Variants in POLH observed in about 807,000 individuals in gnomAD.
POLH encodes DNA polymerase eta transcript.
Under a neutral mutation model 73.6 loss-of-function variants are expected in POLH, and 53 were observed. That is an observed-to-expected ratio of 0.72 (90% CI 0.58 to 0.91). The LOEUF is 0.91. POLH is among the 40% of genes least tolerant of loss of function. POLH has a pLI of 0.00. For synonymous variants in POLH, 292 were observed against 308.5 expected (o/e 0.95, Z 0.56); for missense variants, 768 against 865.4 (o/e 0.89, Z 1.41).
intron 4 of POLH, 95 bp from the exon 5 acceptor site, chr6:43,597,601 C>A: frequency 8.3e-7 from 1 of 1,210,700 alleles, no homozygotes; most frequent in Non-Finnish European, 1.2e-6. Flanking sequence ...ACTTATATGT[C>A]TAAATACCTG....
chr6:43,581,674 T>C (rs1264749101), intron 1 of POLH, among the ~76,000 whole-genome samples: 1 of 143,848 alleles, frequency 7.0e-6, no homozygotes, highest in Non-Finnish European at 1.5e-5. Context: ...CTCCCGGCGG[T>C]CGGGCGGCGG....
chr6:43,599,579 C>G (rs1198161168), intron 5 of POLH, among the ~76,000 whole-genome samples: 1 of 151,486 alleles, frequency 6.6e-6, no homozygotes, highest in Non-Finnish European at 1.5e-5. Context: ...TTGATACCTT[C>G]TCCGCCTCCC....
chr6:43,581,569 G>A (rs1294770095), intron 1 of POLH, among the ~76,000 whole-genome samples: 1 of 150,498 alleles, frequency 6.6e-6, no homozygotes, highest in Non-Finnish European at 1.5e-5. Flanking sequence ...CGGGCCCGCG[G>A]GGCCCGTCCG....
intron 1 of POLH, among the ~76,000 whole-genome samples, chr6:43,580,855 C>T (rs1764040744): frequency 1.3e-5 from 2 of 148,472 alleles, no homozygotes; most frequent in Admixed American, 6.6e-5. Flanking sequence ...AGAGGCGCCC[C>T]TCACCTCCCA....
chr6:43,592,882 T>C (rs1385472038), intron 4 of POLH, among the ~76,000 whole-genome samples: 1 of 152,330 alleles, frequency 6.6e-6, no homozygotes, highest in South Asian at 2.1e-4. Context: ...AATTCATTTC[T>C]TTATTATTTT....
chr6:43,586,599 C>T (rs539802601), intron 3 of POLH, among the ~76,000 whole-genome samples: 25 of 152,308 alleles, frequency 1.6e-4, no homozygotes, highest in Admixed American at 8.5e-4. Context: ...GGTATGTATA[C>T]CCTGAGGAAG....
In POLH at chr6:43,610,556, T is replaced by TG. The variant is rs1277794845; in HGVS notation, c.1078dup (p.Asp360GlyfsTer32). 12 of 1,613,768 alleles carry TG rather than the reference T, an allele frequency of 7.4e-6. No individual in the cohort carries two copies. Among genetic ancestry groups the TG allele is most frequent in the African/African-American group, 5.3e-5 (4 of 74,922 alleles). On this transcript the variant is annotated frameshift_variant, in exon 10 of 11. Transcript: ENST00000372236. LOFTEE classifies it high-confidence loss of function. ...GTCTCCATCCTTTCCACCCACAGAA[T>TG]GACAGGGTAGCCACCCAGCTGGTTG...
At chr6:43,584,113 G>A (rs1321952679) in intron 3 of POLH, among the ~76,000 whole-genome samples, 3 of 152,160 alleles carry the variant, frequency 2.0e-5, no homozygotes, top group Admixed American at 6.5e-5. Flanking sequence ...ACTGCACTCC[G>A]GTCTGGGTGA....
intron 10 of POLH, among the ~76,000 whole-genome samples, chr6:43,612,038 A>G (rs771269614): frequency 2.0e-4 from 31 of 152,258 alleles, no homozygotes; most frequent in Non-Finnish European, 3.4e-4. Flanking sequence ...CCTGGGCAAC[A>G]AGAGCGAAAT....
chr6:43,596,255 G>A (rs766973906), intron 4 of POLH, among the ~76,000 whole-genome samples: 6 of 152,168 alleles, frequency 3.9e-5, no homozygotes, highest in Admixed American at 2.0e-4. Flanking sequence ...AGGCCAAAGC[G>A]GGCAGATCAC....
At chr6:43,598,190 G>T in intron 5 of POLH, among the ~76,000 whole-genome samples, 1 of 136,834 alleles carries the variant, frequency 7.3e-6, no homozygotes, top group African/African-American at 3.2e-5. Flanking sequence ...GGGCGACAGT[G>T]AGACTGTCAC....
rs368493196 is a variant in POLH at position 43,615,905 on chromosome 6, T to A, written c.*1348T>A. On this transcript the variant is annotated 3_prime_UTR_variant, in exon 11 of 11. Transcript: ENST00000372236. ...CCAGGATGGTCTCGATTGCTTGACC[T>A]CATGATCCGCCTGCCTCGACCTCCC... Among the ~76,000 whole-genome samples the A allele has an allele frequency of 2.6e-5, 4 of 151,922 alleles. No individual in the cohort carries two copies. Among genetic ancestry groups the A allele is most frequent in the South Asian group, 4.1e-4 (2 of 4,824 alleles).
At chr6:43,605,915 G>T (rs970693157) in intron 9 of POLH, among the ~76,000 whole-genome samples, 1 of 151,804 alleles carries the variant, frequency 6.6e-6, no homozygotes, top group Non-Finnish European at 1.5e-5. Flanking sequence ...GTAGAGACGG[G>T]GTTCTACCAT....
rs142683746 is a variant in POLH at position 43,607,513 on chromosome 6, T to C, written c.1074+2194T>C. Among the ~76,000 whole-genome samples the C allele has an allele frequency of 2.6e-3, 401 of 152,364 alleles. 3 individuals carry two copies. The highest frequency in any genetic ancestry group is 8.4e-3 in the African/African-American group (351 of 41,586). On this transcript the variant is annotated intron_variant, in intron 9 of 10. Coordinates refer to ENST00000372236, the MANE Select transcript of POLH (RefSeq NM_006502.3). Reference sequence around the variant, plus strand: ...TATTTCCACTTTTGGCTATTATGAATAATGTTGATATGAACATTCATCTAC... The same window carrying C: ...TATTTCCACTTTTGGCTATTATGAACAATGTTGATATGAACATTCATCTAC...
At position 43,620,107 on chromosome 6, in the gene POLH, G is replaced by C; in HGVS notation, c.*5550G>C. On this transcript the variant is annotated 3_prime_UTR_variant, in exon 11 of 11. Coordinates refer to ENST00000372236, the MANE Select transcript of POLH (RefSeq NM_006502.3). ...AGGCTATGTAAACTTGAAAAATATG[G>C]GACCAGATTACCTTTTGTCTCTAAA... The C allele has an allele frequency of 2.8e-6, 1 of 351,764 alleles. No homozygotes were observed. Among genetic ancestry groups the C allele is most frequent in the Non-Finnish European group, 5.4e-6 (1 of 184,502 alleles). 21.8% of individuals were successfully genotyped at this position (351,764 alleles called of 1,614,324 possible).
At chr6:43,578,497 C>CG in intron 1 of POLH, 2 of 364,634 alleles carry the variant, frequency 5.5e-6, no homozygotes, top group Non-Finnish European at 1.1e-5. Flanking sequence ...AGCAGCCTGG[C>CG]GGGGGGACAA....
chr6:43,577,940 C>T (rs996516399), intron 1 of POLH, among the ~76,000 whole-genome samples: 18 of 151,892 alleles, frequency 1.2e-4, no homozygotes, highest in African/African-American at 4.3e-4. Context: ...AAAAATTAGC[C>T]GGGCGGGGTG....
At chr6:43,577,872 C>CA (rs1364497603) in intron 1 of POLH, among the ~76,000 whole-genome samples, 1 of 144,760 alleles carries the variant, frequency 6.9e-6, no homozygotes, top group Non-Finnish European at 1.5e-5. Flanking sequence ...ATCACGAGGT[C>CA]AGGAGATCGA....
chr6:43,587,439 T>A lies in POLH; in HGVS notation c.440T>A (p.Ile147Asn), dbSNP rs200366966. The stretch of plus-strand genomic sequence containing the variant: ...GCAGACTTGTTGCCAAGCACTTACA[T>A]TGAAGGGTTGCCCCAAGGCCCTACA... ...ISADLLPSTY[I>N]EGLPQGPTTA... The change falls in exon 4 of 11, where the codon ATT becomes AAT. Residue 147 changes from isoleucine to asparagine, a missense_variant. Ile to Asn is a moderately radical substitution (Grantham distance 149). Transcript: ENST00000372236. The A allele has an allele frequency of 1.9e-6, 3 of 1,614,194 alleles. No homozygotes were observed. The highest frequency in any genetic ancestry group is 2.5e-6 in the Non-Finnish European group (3 of 1,180,030).
Sources: allele counts gnomAD v4.1 joint callset (sites outside exome capture counted in the v4.1 genomes callset), GRCh38; gene constraint gnomAD v4.1.1; transcripts MANE v1.5; gene names NCBI Gene and HGNC (gene_info 2026-07-23, HGNC 2026-07-21).